Variants in LRPAP1 observed in about 807,000 individuals in gnomAD.
The protein encoded by LRPAP1 is LDL receptor related protein associated protein 1.
In LRPAP1, 41 loss-of-function variants were observed where a neutral mutation model predicts 39.9. The ratio of observed to expected loss-of-function variants is 1.03; its 90% confidence interval spans 0.80 to 1.33. The LOEUF (loss-of-function observed/expected upper bound fraction) is 1.33, where lower values mean the gene tolerates loss of function less well. LRPAP1 is among the 40% of genes most tolerant of loss of function. The pLI is 0.00. For missense variants in LRPAP1, 565 were observed against 482.3 expected, an observed-to-expected ratio of 1.17 and a Z score of -1.61; for synonymous variants, 263 against 212.7, an observed-to-expected ratio of 1.24 and a Z score of -2.06.
chr4:3,528,203 T>G (rs563630526), intron 1 of LRPAP1, among the ~76,000 whole-genome samples: 1 of 152,316 alleles, frequency 6.6e-6, no homozygotes, highest in Admixed American at 6.5e-5. Context: ...GGAAACCAAC[T>G]GCAGAAAAGA....
chr4:3,525,031 C>A lies in LRPAP1; in HGVS notation c.225G>T (p.Arg75Ser). The A allele has an allele frequency of 1.2e-6, 2 of 1,614,034 alleles. No individual in the cohort carries two copies. The highest frequency in any genetic ancestry group is 1.7e-6 in the Non-Finnish European group (2 of 1,180,022). ...TCAGATCAGCGTGGAGCTCGGCCAG[C>A]CTCACGGGAGGAAGATGCAGCTGCG... is the stretch of plus-strand genomic sequence containing the variant. ...KAQRLHLPPVRLAELHADLKI... is the reference protein window; with the variant it reads ...KAQRLHLPPVSLAELHADLKI... Residue 75 changes from arginine (R) to serine (S), a missense_variant, in exon 2 of 8, where the codon AGG becomes AGT. Transcript: ENST00000650182.
At chr4:3,516,962 C>T (rs1178194969) in intron 5 of LRPAP1, among the ~76,000 whole-genome samples, 2 of 152,172 alleles carry the variant, frequency 1.3e-5, no homozygotes, top group African/African-American at 4.8e-5. Flanking sequence ...GGGGACAGCC[C>T]GAGGTGGGAA....
In LRPAP1 at chr4:3,507,675, G is replaced by A. The variant is rs936588726; in HGVS notation, c.*5299C>T. On this transcript the variant is annotated 3_prime_UTR_variant, in exon 8 of 8. Transcript: ENST00000650182. ...CTCTATCAAAAGAACCTAAAACAAG[G>A]ACAGCAAATTGAACACAAAATAGGT... 4 of 151,190 alleles carry A rather than the reference G, an allele frequency of 2.6e-5. No individual in the cohort carries two copies. Among genetic ancestry groups the A allele is most frequent in the African/African-American group, 9.7e-5 (4 of 41,042 alleles). The allele number at this position is 151,190 out of a possible 1,614,324, so 9.4% of individuals were successfully genotyped here. A position where few individuals can be genotyped will look rare whatever the true frequency, so the allele number is the denominator to read the frequency against.
chr4:3,523,023 C>T lies in LRPAP1; in HGVS notation c.349+1884G>A, dbSNP rs1392629178. Among the ~76,000 whole-genome samples the T allele has an allele frequency of 4.6e-5, 7 of 152,276 alleles. No individual in the cohort carries two copies. In the East Asian group the frequency reaches 1.4e-3, roughly 29 times the overall value. Reference sequence around the variant, plus strand: ...GACGAGCCTCTTTCCTGAGTGTGGGCAGGGTCTGCTTCTGGGACGCCGGCT... The same window carrying T: ...GACGAGCCTCTTTCCTGAGTGTGGGTAGGGTCTGCTTCTGGGACGCCGGCT... On this transcript the variant is annotated intron_variant, in intron 2 of 7. Transcript: ENST00000650182.
rs1391923063 is a variant in LRPAP1 at position 3,506,341 on chromosome 4, C to G, written c.*6633G>C. 3 of 150,800 alleles carry G rather than the reference C, an allele frequency of 2.0e-5. No individual in the cohort carries two copies. Among genetic ancestry groups the G allele is most frequent in the Admixed American group, 2.0e-4 (3 of 15,166 alleles). 9.3% of individuals were successfully genotyped at this position (150,800 alleles called of 1,614,324 possible). ...TCAGCCTCCCAAAGTGCTGGGATTC[C>G]AGGCGGGAGCCACCCACACTTGGCT... On this transcript the variant is annotated 3_prime_UTR_variant, in exon 8 of 8. Transcript: ENST00000650182.
At chr4:3,525,319 C>A (rs17202256) in intron 1 of LRPAP1, among the ~76,000 whole-genome samples, 2 of 152,184 alleles carry the variant, frequency 1.3e-5, no homozygotes, top group African/African-American at 4.8e-5. Flanking sequence ...CATTCCTGTC[C>A]GGCTGTAACA....
rs1260887397 is a variant in LRPAP1 at position 3,511,059 on chromosome 4, A to C, written c.*1915T>G. 1.3e-5 allele frequency: 2 copies of C among 152,304 alleles called. No individual in the cohort carries two copies. Among genetic ancestry groups the C allele is most frequent in the African/African-American group, 4.8e-5 (2 of 41,450 alleles). The allele number at this position is 152,304 out of a possible 1,614,324, so 9.4% of individuals were successfully genotyped here. On this transcript the variant is annotated 3_prime_UTR_variant, in exon 8 of 8. Transcript: ENST00000650182. ...ACGCTACTCCGCAATTAGACACCAC[A>C]AAACGCCAGCCAGGCTGTCCATAAT...
At position 3,518,019 on chromosome 4, in the gene LRPAP1, C is replaced by T. The variant is rs779643217; in HGVS notation, c.751+15G>A. The stretch of plus-strand genomic sequence containing the variant: ...CCCCACCCTCGGGAACCAACAGTCC[C>T]GGGCGGGCACTCACCAGCCTCAGTG... On this transcript the variant is annotated intron_variant, in intron 5 of 7. Transcript: ENST00000650182. 9.4e-6 allele frequency: 15 copies of T among 1,589,520 alleles called. No individual in the cohort carries two copies. Among genetic ancestry groups the T allele is most frequent in the East Asian group, 4.5e-5 (2 of 44,496 alleles).
At chr4:3,528,423 G>T (rs1182680216) in intron 1 of LRPAP1, among the ~76,000 whole-genome samples, 1 of 152,170 alleles carries the variant, frequency 6.6e-6, no homozygotes, top group Non-Finnish European at 1.5e-5. Context: ...CCGCGTGCCA[G>T]CAGAGCTTTC....
In LRPAP1 at chr4:3,510,109, A is replaced by G. The variant is rs1181556031; in HGVS notation, c.*2865T>C. ...TGCACATCACCTCGATTCAGGGTTT[A>G]TTATAAACCCAACTGTAGCCAAGAC... On this transcript the variant is annotated 3_prime_UTR_variant, in exon 8 of 8. Coordinates refer to ENST00000650182, the MANE Select transcript of LRPAP1 (RefSeq NM_002337.4). 1 of 152,144 alleles carries G rather than the reference A, an allele frequency of 6.6e-6. No individual in the cohort carries two copies. The highest frequency in any genetic ancestry group is 1.5e-5 in the Non-Finnish European group (1 of 68,036). 9.4% of individuals were successfully genotyped at this position (152,144 alleles called of 1,614,324 possible).
chr4:3,517,228 C>T (rs1365146834), intron 5 of LRPAP1, among the ~76,000 whole-genome samples: 1 of 152,238 alleles, frequency 6.6e-6, no homozygotes, highest in African/African-American at 2.4e-5. Context: ...CCCAAGGGGA[C>T]CTGGGCCCGC....
intron 4 of LRPAP1, 82 bp downstream of exon 4, chr4:3,518,789 C>T: frequency 1.0e-6 from 1 of 975,712 alleles, no homozygotes; most frequent in Admixed American, 2.7e-5. Context: ...GCCCACTGAG[C>T]ACAACGAGCC....
At position 3,507,482 on chromosome 4, in the gene LRPAP1, A is replaced by ACAT. The variant is rs1729388141; in HGVS notation, c.*5491_*5492insATG. On this transcript the variant is annotated 3_prime_UTR_variant, in exon 8 of 8. Transcript: ENST00000650182. Reference sequence around the variant, plus strand: ...TTATTTACCTACATATCATATATTTATACATTATCATCTGCGAATTACTGA... The same window carrying ACAT: ...TTATTTACCTACATATCATATATTTACATTACATTATCATCTGCGAATTACTGA... 1 of 148,482 alleles carries ACAT rather than the reference A, an allele frequency of 6.7e-6. No individual in the cohort carries two copies. Among genetic ancestry groups the ACAT allele is most frequent in the Non-Finnish European group, 1.5e-5 (1 of 66,476 alleles). The allele number at this position is 148,482 out of a possible 1,614,324, so 9.2% of individuals were successfully genotyped here.
chr4:3,512,216 G>C lies in LRPAP1; in HGVS notation c.*758C>G, dbSNP rs185183975. The C allele has an allele frequency of 1.3e-5, 2 of 152,372 alleles. No homozygotes were observed. The highest frequency in any genetic ancestry group is 3.8e-4 in the East Asian group (2 of 5,202). 9.4% of individuals were successfully genotyped at this position (152,372 alleles called of 1,614,324 possible). Reference sequence around the variant, plus strand: ...TGGTCAGAGGAAGGCCTCCGTGGCTGTCTCTCCCCCATGAGATGGGGCATT... The same window carrying C: ...TGGTCAGAGGAAGGCCTCCGTGGCTCTCTCTCCCCCATGAGATGGGGCATT... On this transcript the variant is annotated 3_prime_UTR_variant, in exon 8 of 8. Transcript: ENST00000650182.
chr4:3,516,366 G>A (rs555513870), intron 5 of LRPAP1, among the ~76,000 whole-genome samples, 168 bp from the exon 6 acceptor site: 1 of 94,876 alleles, frequency 1.1e-5, no homozygotes, highest in African/African-American at 3.4e-5. Flanking sequence ...GGGCACAGAG[G>A]GCATCTGCTC....
chr4:3,510,917 G>GC lies in LRPAP1; in HGVS notation c.*2056dup, dbSNP rs2108685730. Reference sequence around the variant, plus strand: ...CATCACCTACATCCTTCGTGAGTGCGCACCATGACCAGCCACACCCATGGA... The same window carrying GC: ...CATCACCTACATCCTTCGTGAGTGCGCCACCATGACCAGCCACACCCATGGA... On this transcript the variant is annotated 3_prime_UTR_variant, in exon 8 of 8. Coordinates refer to ENST00000650182, the MANE Select transcript of LRPAP1 (RefSeq NM_002337.4). 6.6e-6 allele frequency: 1 copy of GC among 152,290 alleles called. No homozygotes were observed. The highest frequency in any genetic ancestry group is 2.4e-5 in the African/African-American group (1 of 41,528). 9.4% of individuals were successfully genotyped at this position (152,290 alleles called of 1,614,324 possible). A position where few individuals can be genotyped will look rare whatever the true frequency, so the allele number is the denominator to read the frequency against.
At chr4:3,532,167 C>T (rs1170265554) in intron 1 of LRPAP1, 42 bp downstream of exon 1, 1 of 1,543,756 alleles carries the variant, frequency 6.5e-7, no homozygotes, top group Non-Finnish European at 8.8e-7. Context: ...ACCACGGCCC[C>T]CGCCCCCAGG....
intron 6 of LRPAP1, chr4:3,515,821 G>A (rs1729675149): frequency 2.2e-6 from 1 of 455,150 alleles, no homozygotes; most frequent in Non-Finnish European, 4.0e-6. Flanking sequence ...GCTGTGGCTG[G>A]GTCCCGACCA....
intron 1 of LRPAP1, among the ~76,000 whole-genome samples, chr4:3,528,185 T>C (rs769537068): frequency 1.8e-4 from 27 of 152,212 alleles, no homozygotes; most frequent in Non-Finnish European, 2.9e-4. Context: ...AAGTTAGAAG[T>C]ACCCTGTGGA....
Sources: gnomAD v4.1 joint callset for allele counts (sites outside exome capture counted in the v4.1 genomes callset) on GRCh38, gnomAD v4.1.1 for gene constraint, MANE v1.5 for transcripts, NCBI Gene and HGNC (gene_info 2026-07-23, HGNC 2026-07-21) for gene names.